Variants in NFASC observed in about 807,000 individuals in gnomAD.
NFASC encodes neurofascin homolog.
In NFASC, 43 loss-of-function variants were observed where a neutral mutation model predicts 147.5. The observed-to-expected ratio is 0.29, with a 90% CI of 0.23 to 0.38. The LOEUF (loss-of-function observed/expected upper bound fraction) is 0.38, where lower values mean the gene tolerates loss of function less well. NFASC is among the 10% of genes least tolerant of loss of function. The pLI, the probability that NFASC is intolerant of heterozygous loss-of-function variation, is 1.00. For missense variants in NFASC, 1,320 were observed against 1,689.0 expected (o/e 0.78, Z 3.83); for synonymous variants, 622 against 665.5 (o/e 0.93, Z 1.01).
At chr1:205,000,876 C>G in intron 25 of NFASC, 1 of 469,068 alleles carries the variant, frequency 2.1e-6, no homozygotes, top group Non-Finnish European at 3.9e-6. Context: ...CTAACGCTAC[C>G]TATGTGGACA....
At chr1:204,967,952 TCAGACAGCCC>T in intron 8 of NFASC, 2 of 267,138 alleles carry the variant, frequency 7.5e-6, no homozygotes, top group South Asian at 5.1e-5. Context: ...CTCGCACTGC[TCAGACAGCCC>T]CTCCCCGTTC....
Position 204,977,736 on chromosome 1 carries a change from C to A in NFASC, c.1876+11C>A, listed in dbSNP as rs754890355. The A allele has an allele frequency of 8.1e-5, 130 of 1,607,330 alleles. No individual in the cohort carries two copies. The highest frequency in any genetic ancestry group is 1.1e-4 in the Non-Finnish European group (127 of 1,174,850). ...CTGCCCTGCCCAAAGGTAATTCCCA[C>A]TAATCACAGTCCCCTGCCAGTGCCC... On this transcript the variant is annotated intron_variant, in intron 17 of 29. Coordinates refer to ENST00000339876, the MANE Select transcript of NFASC (RefSeq NM_001005388.3).
rs373600285 is a variant in NFASC at position 204,851,711 on chromosome 1, AT to A, written c.-200+22932del. On this transcript the variant is annotated intron_variant, in intron 1 of 29. Coordinates refer to ENST00000339876, the MANE Select transcript of NFASC (RefSeq NM_001005388.3). ...ATTGCTAAATGGGGAAAAAGTTGAA[AT>A]TTGCCTTTATGCATATAACAATCAA... is the stretch of plus-strand genomic sequence containing the variant. 2.8e-3 allele frequency among the ~76,000 whole-genome samples: 423 copies of A among 152,292 alleles called. 2 individuals carry two copies. Among genetic ancestry groups the A allele is most frequent in the African/African-American group, 9.7e-3 (404 of 41,570 alleles).
rs2096353989 is a variant in NFASC at position 205,015,998 on chromosome 1, C to T, written c.3492-310C>T. ...TGGCTCTGCCTCACCATGGGGTGGCCATCCTCTGTCCACTTCCACCACACA... is the reference window on the plus strand; with the variant it reads ...TGGCTCTGCCTCACCATGGGGTGGCTATCCTCTGTCCACTTCCACCACACA... On this transcript the variant is annotated intron_variant, in intron 29 of 29. Coordinates refer to ENST00000339876, the MANE Select transcript of NFASC (RefSeq NM_001005388.3). This position sits in a 1 kb window ranked among gnomAD's most constrained non-coding sequence, Gnocchi z 4.0. Among the ~76,000 whole-genome samples, 1 of 152,142 alleles carries T rather than the reference C, an allele frequency of 6.6e-6. No homozygotes were observed. The highest frequency in any genetic ancestry group is 1.5e-5 in the Non-Finnish European group (1 of 68,028).
chr1:204,923,668 A>G (rs2090963522), intron 2 of NFASC, among the ~76,000 whole-genome samples: 1 of 152,040 alleles, frequency 6.6e-6, no homozygotes, highest in Non-Finnish European at 1.5e-5. Context: ...ATGGAGCTTC[A>G]TTAGGAACTG....
chr1:204,908,595 T>A (rs988734940), intron 1 of NFASC, among the ~76,000 whole-genome samples: 2 of 152,126 alleles, frequency 1.3e-5, no homozygotes, highest in Non-Finnish European at 2.9e-5. Flanking sequence ...AGTAACATTT[T>A]GCAAAACTAT....
In NFASC at chr1:205,016,541, G is replaced by A. The variant is rs76160696; in HGVS notation, c.*2G>A. ...AATGCTATCTACTCTCTGGCCTAAC[G>A]GAGCCCACCCAGGCACAGCCACCAC... On this transcript the variant is annotated 3_prime_UTR_variant, in exon 30 of 30. Coordinates refer to ENST00000339876, the MANE Select transcript of NFASC (RefSeq NM_001005388.3). This position sits in a 1 kb window ranked among gnomAD's most constrained non-coding sequence, Gnocchi z 5.1. 758 of 1,609,382 alleles carry A rather than the reference G, an allele frequency of 4.7e-4. 4 individuals carry two copies. In the East Asian group the frequency reaches 0.01, roughly 22 times the overall value.
At chr1:204,992,262 C>G (rs2095753022) in intron 24 of NFASC, among the ~76,000 whole-genome samples, 1 of 152,160 alleles carries the variant, frequency 6.6e-6, no homozygotes, top group Non-Finnish European at 1.5e-5. Flanking sequence ...TCAGCAGAGC[C>G]TCCTTACATG....
intron 1 of NFASC, among the ~76,000 whole-genome samples, chr1:204,880,262 T>G (rs982080911): frequency 5.9e-5 from 9 of 152,196 alleles, no homozygotes; most frequent in Non-Finnish European, 1.2e-4. Flanking sequence ...TGAGGCCCAG[T>G]ATGGCTGAAA....
chr1:204,973,774 G>A (rs768472394), intron 12 of NFASC, among the ~76,000 whole-genome samples: 1 of 152,154 alleles, frequency 6.6e-6, no homozygotes, highest in Non-Finnish European at 1.5e-5. Flanking sequence ...TCGCCTTGGT[G>A]TATCCATGTT....
chr1:204,975,281 G>T lies in NFASC; in HGVS notation c.1569G>T (p.Arg523Ser). The change falls in exon 15 of 30, where the codon AGG becomes AGT. Residue 523 changes from arginine to serine, a missense_variant. Around this residue, in one of 3 missense-constraint regions of NFASC, gnomAD observed 981 missense variants for 1,289.5 expected, o/e 0.76. Transcript: ENST00000339876. This position sits in a 1 kb window ranked among gnomAD's most constrained non-coding sequence, Gnocchi z 4.0. ...QVRLEVKDPTRIYRMPEDQVA... is the reference protein window; with the variant it reads ...QVRLEVKDPTSIYRMPEDQVA... ...TGGGCTTCTCCACAGACCCCACCAG[G>T]ATCTACCGGATGCCCGAGGACCAGG... 4 of 1,612,776 alleles carry T rather than the reference G, an allele frequency of 2.5e-6. No individual in the cohort carries two copies. Among genetic ancestry groups the T allele is most frequent in the Non-Finnish European group, 3.4e-6 (4 of 1,179,242 alleles).
Position 204,954,443 on chromosome 1 carries a change from G to T in NFASC, c.412+59G>T. The T allele has an allele frequency of 1.3e-6, 2 of 1,534,744 alleles. No homozygotes were observed. The highest frequency in any genetic ancestry group is 1.9e-4 in the Middle Eastern group (1 of 5,162). ...CTCCTGGGTAAATGGAGAGTGGGGG[G>T]TGTGGAAGGCCATTCCAGAAGGGCT... On this transcript the variant is annotated intron_variant, in intron 6 of 29. Coordinates refer to ENST00000339876, the MANE Select transcript of NFASC (RefSeq NM_001005388.3). This position sits in a 1 kb window ranked among gnomAD's most constrained non-coding sequence, Gnocchi z 5.7.
intron 1 of NFASC, among the ~76,000 whole-genome samples, chr1:204,850,638 T>C (rs1177487603): frequency 1.3e-5 from 2 of 152,242 alleles, no homozygotes; most frequent in African/African-American, 4.8e-5. Context: ...ACTTCTCCTT[T>C]GTGCGCTCTG....
At chr1:204,998,197 G>GTACAGCGCC in intron 25 of NFASC, 1 of 152,452 alleles carries the variant, frequency 6.6e-6, no homozygotes, top group South Asian at 2.1e-4. Context: ...TTCCAGTTCG[G>GTACAGCGCC]GGAGACCCCA....
chr1:204,916,475 A>G (rs1271318101), intron 1 of NFASC, among the ~76,000 whole-genome samples: 2 of 152,208 alleles, frequency 1.3e-5, no homozygotes, highest in Admixed American at 6.5e-5. Flanking sequence ...CAGCAATCCT[A>G]TAGGTAGATC....
chr1:204,881,634 G>A (rs1315374195), intron 1 of NFASC, among the ~76,000 whole-genome samples: 1 of 152,100 alleles, frequency 6.6e-6, no homozygotes, highest in East Asian at 1.9e-4. Context: ...TCTGATGGGG[G>A]GAACCACGGG....
chr1:204,867,916 G>A (rs1469782081), intron 1 of NFASC, among the ~76,000 whole-genome samples: 2 of 152,190 alleles, frequency 1.3e-5, no homozygotes, highest in African/African-American at 2.4e-5. Flanking sequence ...TCCAGCCCTG[G>A]GTCATCCTGG....
intron 1 of NFASC, 72 bp from the exon 2 acceptor site, chr1:204,920,560 C>T (rs898218040): frequency 1.3e-6 from 1 of 785,880 alleles, no homozygotes; most frequent in African/African-American, 1.8e-5. Context: ...AAGCTGCAAA[C>T]CACAAAGGCT....
chr1:204,974,896 A>G, intron 14 of NFASC, 73 bp downstream of exon 14: 2 of 1,479,114 alleles, frequency 1.4e-6, no homozygotes, highest in South Asian at 1.2e-5. Context: ...TCCACATACA[A>G]TATTCACATT....
Sources: gnomAD v4.1 joint callset for allele counts (sites outside exome capture counted in the v4.1 genomes callset) on GRCh38, gnomAD v4.1.1 for gene constraint, gnomAD v4.1.1 regional missense constraint, Gnocchi (gnomAD v3.1) non-coding constraint, MANE v1.5 for transcripts, NCBI Gene and HGNC (gene_info 2026-07-23, HGNC 2026-07-21) for gene names.